Variants in AASDH observed in about 807,000 individuals in gnomAD.
The protein encoded by AASDH is aminoadipate-semialdehyde dehydrogenase.
A neutral mutation model predicts 102.3 loss-of-function variants in AASDH; 81 were observed. The ratio of observed to expected loss-of-function variants is 0.79; its 90% CI spans 0.66 to 0.95. AASDH has a LOEUF of 0.95. Among genes scored for constraint, AASDH ranks in the 40% least tolerant of loss-of-function variants. The probability of loss-of-function intolerance (pLI) is 0.00; values close to 1 mark genes in which losing one functional copy is unlikely to be tolerated. For synonymous variants in AASDH, 398 were observed against 454.0 expected, an observed-to-expected ratio of 0.88 and a Z score of 1.57; for missense variants, 1,203 against 1,266.2, an observed-to-expected ratio of 0.95 and a Z score of 0.76.
At chr4:56,362,648 G>A (rs991423048) in intron 5 of AASDH, among the ~76,000 whole-genome samples, 8 of 152,074 alleles carry the variant, frequency 5.3e-5, no homozygotes, top group Admixed American at 1.3e-4. Flanking sequence ...TATAAGGAGC[G>A]CTTTAGTAAA....
intron 8 of AASDH, 74 bp downstream of exon 8, chr4:56,353,965 G>A: frequency 7.4e-7 from 1 of 1,359,232 alleles, no homozygotes; most frequent in Non-Finnish European, 9.8e-7. Context: ...AGAGACCCCA[G>A]CACAGAAAAT....
intron 5 of AASDH, 118 bp downstream of exon 5, chr4:56,371,333 T>A: frequency 9.3e-7 from 1 of 1,069,742 alleles, no homozygotes; most frequent in South Asian, 1.7e-5. Context: ...CGGCCCTTGA[T>A]AATCTAACCA....
intron 14 of AASDH, among the ~76,000 whole-genome samples, chr4:56,342,095 A>G (rs1206559458): frequency 7.1e-6 from 1 of 141,194 alleles, no homozygotes; most frequent in Non-Finnish European, 1.5e-5. Flanking sequence ...CTGGTAACAG[A>G]GCAAGATTCT....
intron 12 of AASDH, among the ~76,000 whole-genome samples, chr4:56,344,171 A>G (rs1748053727): frequency 6.6e-6 from 1 of 152,112 alleles, no homozygotes; most frequent in Admixed American, 6.5e-5. Flanking sequence ...CATATATTTG[A>G]CTATGTTTCT....
intron 3 of AASDH, 188 bp downstream of exon 3, chr4:56,382,289 G>T (rs1416212766): frequency 1.5e-5 from 8 of 535,490 alleles, no homozygotes; most frequent in Non-Finnish European, 2.5e-5. Flanking sequence ...CAAATATATT[G>T]CTAAATATCC....
At chr4:56,365,428 A>G (rs1750876343) in intron 5 of AASDH, among the ~76,000 whole-genome samples, 1 of 152,150 alleles carries the variant, frequency 6.6e-6, no homozygotes, top group South Asian at 2.1e-4. Context: ...TCTTCTCAGC[A>G]CCACACCACA....
chr4:56,355,593 GT>G (rs149149581), intron 5 of AASDH, among the ~76,000 whole-genome samples, 170 bp from the exon 6 acceptor site: 19,882 of 91,940 alleles, frequency 0.22, 984 homozygotes, highest in East Asian at 0.35. Context: ...TTATCTTCTT[GT>G]TTTTTTTTTT....
rs978382677 is a variant in AASDH at position 56,378,193 on chromosome 4, A to T, written c.623T>A (p.Val208Asp). Reference protein sequence around the residue: ...TSGTTGIPKIVRVPHKCIVPN... With the variant: ...TSGTTGIPKIDRVPHKCIVPN... ...TACTATACACTTATGAGGCACTCTGACAATCTTCGGTATCCCTGTAGTCCC... is the reference window on the plus strand; with the variant it reads ...TACTATACACTTATGAGGCACTCTGTCAATCTTCGGTATCCCTGTAGTCCC... Residue 208 changes from valine to aspartate, a missense_variant, in exon 4 of 15, where the codon GTC becomes GAC. By Grantham distance (152) the Val-to-Asp change is radical. Transcript: ENST00000205214. 1.2e-6 allele frequency: 2 copies of T among 1,613,160 alleles called. No individual in the cohort carries two copies. Among genetic ancestry groups the T allele is most frequent in the African/African-American group, 2.7e-5 (2 of 74,846 alleles).
chr4:56,354,073 T>C lies in AASDH; in HGVS notation c.1349A>G (p.His450Arg), dbSNP rs1749295654. Reference protein sequence around the residue: ...LGRKDSQIKRHGKRLNIELVQ... With the variant: ...LGRKDSQIKRRGKRLNIELVQ... ...AAGTTCAATGTTAAGACGTTTGCCATGACGTTTGATCTGACTGTCTTTTCG... is the reference window on the plus strand; with the variant it reads ...AAGTTCAATGTTAAGACGTTTGCCACGACGTTTGATCTGACTGTCTTTTCG... Residue 450 changes from histidine (H) to arginine (R), a missense_variant, in exon 8 of 15, where the codon CAT becomes CGT. By Grantham distance (29) the His-to-Arg change is conservative. Coordinates refer to ENST00000205214, the MANE Select transcript of AASDH (RefSeq NM_181806.4). 6.2e-7 allele frequency: 1 copy of C among 1,612,352 alleles called. No individual in the cohort carries two copies. The highest frequency in any genetic ancestry group is 1.7e-5 in the Admixed American group (1 of 59,904).
chr4:56,344,042 T>G (rs777344313), intron 12 of AASDH, among the ~76,000 whole-genome samples: 1 of 152,230 alleles, frequency 6.6e-6, no homozygotes, highest in African/African-American at 2.4e-5. Flanking sequence ...ATGATTTAAA[T>G]ATAATTTTAA....
At chr4:56,385,441 A>G (rs987275534) in intron 1 of AASDH, among the ~76,000 whole-genome samples, 3 of 152,218 alleles carry the variant, frequency 2.0e-5, no homozygotes, top group Non-Finnish European at 2.9e-5. Flanking sequence ...GATTATATTA[A>G]AAGATTCGAA....
intron 9 of AASDH, 123 bp downstream of exon 9, chr4:56,353,281 G>C: frequency 1.3e-6 from 1 of 743,460 alleles, no homozygotes; most frequent in South Asian, 2.8e-5. Context: ...AGTCAAAAGA[G>C]GGTCTATCAC....
intron 4 of AASDH, among the ~76,000 whole-genome samples, chr4:56,374,831 G>C (rs1057291098): frequency 6.6e-6 from 1 of 152,060 alleles, no homozygotes; most frequent in East Asian, 1.9e-4. Context: ...TTTTAAAATG[G>C]AGAAAACTGA....
chr4:56,338,634 G>C lies in AASDH; in HGVS notation c.3065C>G (p.Ala1022Gly). The C allele has an allele frequency of 6.2e-7, 1 of 1,614,198 alleles. No homozygotes were observed. The highest frequency in any genetic ancestry group is 8.5e-7 in the Non-Finnish European group (1 of 1,180,038). The change falls in exon 15 of 15, where the codon GCA (alanine) becomes GGA (glycine). Residue 1022 changes from alanine (A) to glycine (G), a missense_variant. Physicochemically the swap from Ala to Gly is moderately conservative, Grantham distance 60 (BLOSUM62 0). Transcript: ENST00000205214. The part of the protein sequence containing the change: ...WKFETTSRVY[A>G]TPFAFHNYNG... Reference sequence around the variant, plus strand: ...GTAGTTATGGAAAGCAAACGGTGTTGCATAGACCCTTGAAGTAGTTTCAAA... The same window carrying C: ...GTAGTTATGGAAAGCAAACGGTGTTCCATAGACCCTTGAAGTAGTTTCAAA...
Position 56,341,559 on chromosome 4 carries a change from A to ATTT in AASDH, c.2907+1273_2907+1275dup, listed in dbSNP as rs543126027. On this transcript the variant is annotated intron_variant, in intron 14 of 14. Coordinates refer to ENST00000205214, the MANE Select transcript of AASDH (RefSeq NM_181806.4). ...AGGCATGTGCCACCACACCCAGCTA[A>ATTT]TTTTTTTTTTTTTTTTGTATTTTAG... Among the ~76,000 whole-genome samples the ATTT allele has an allele frequency of 7.5e-5, 10 of 134,114 alleles. No homozygotes were observed. In the East Asian group the frequency reaches 1.5e-3, roughly 21 times the overall value. 88.0% of individuals were successfully genotyped at this position (134,114 alleles called of 152,430 possible).
chr4:56,380,283 A>G (rs756397051), intron 3 of AASDH, among the ~76,000 whole-genome samples: 4 of 152,208 alleles, frequency 2.6e-5, no homozygotes, highest in African/African-American at 4.8e-5. Context: ...AAGAGATGCT[A>G]AACTGAATTT....
At chr4:56,363,913 C>T (rs1287850596) in intron 5 of AASDH, among the ~76,000 whole-genome samples, 2 of 152,080 alleles carry the variant, frequency 1.3e-5, no homozygotes, top group Admixed American at 1.3e-4. Flanking sequence ...TCCAGAAGAT[C>T]AAACTACTCT....
In AASDH at chr4:56,362,361, T is replaced by C. The variant is rs545745776; in HGVS notation, c.862-6938A>G. ...CTCACTGCAACCTCCACCTCCTGGA[T>C]TCAAGAGATTCCCCTGCCTCAGCCT... On this transcript the variant is annotated intron_variant, in intron 5 of 14. Coordinates refer to ENST00000205214, the MANE Select transcript of AASDH (RefSeq NM_181806.4). Among the ~76,000 whole-genome samples the C allele has an allele frequency of 2.0e-5, 3 of 152,310 alleles. No homozygotes were observed. In the East Asian group the frequency reaches 5.8e-4, roughly 29 times the overall value.
rs201628215 is a variant in AASDH at position 56,349,428 on chromosome 4, T to C, written c.2323A>G (p.Ile775Val). Residue 775 changes from isoleucine (I) to valine (V), a missense_variant, in exon 11 of 15, where the codon ATA becomes GTA. Coordinates refer to ENST00000205214, the MANE Select transcript of AASDH (RefSeq NM_181806.4). ...GTAGATGACTTATCAAAAGTGGGTA[T>C]TACAACCAGCGGTGAAGCATCTACA... ...KCVDASPLVV[I>V]PTFDKSSTTV... 7 of 1,614,158 alleles carry C rather than the reference T, an allele frequency of 4.3e-6. No homozygotes were observed. The East Asian group carries it at 1.6e-4, about 36-fold the overall frequency.
Sources: allele counts gnomAD v4.1 joint callset (sites outside exome capture counted in the v4.1 genomes callset), GRCh38; gene constraint gnomAD v4.1.1; transcripts MANE v1.5; gene names NCBI Gene and HGNC (gene_info 2026-07-23, HGNC 2026-07-21).